MICU3: variants seen among roughly 807,000 people sequenced by gnomAD.
MICU3 encodes the protein mitochondrial calcium uptake 3.
Under a neutral mutation model 66.5 loss-of-function variants are expected in MICU3, and 62 were observed. That is an observed-to-expected ratio of 0.93 (90% confidence interval 0.76 to 1.15). The LOEUF is 1.15. Ranked by LOEUF, MICU3 falls within the 50% of genes most tolerant of loss-of-function variation. MICU3 has a pLI of 0.00. For missense variants in MICU3, 779 were observed against 664.4 expected (o/e 1.17, Z -1.90); for synonymous variants, 308 against 240.7 (o/e 1.28, Z -2.59).
intron 1 of MICU3, among the ~76,000 whole-genome samples, chr8:17,034,081 G>A (rs1812555644): frequency 6.6e-6 from 1 of 152,186 alleles, no homozygotes; most frequent in Admixed American, 6.5e-5. Context: ...AGGGGCTAAT[G>A]CAGCTGGTGA....
At chr8:17,118,686 C>G (rs775608253) in intron 13 of MICU3, 21 bp from the exon 14 acceptor site, 77 of 1,551,816 alleles carry the variant, frequency 5.0e-5, no homozygotes, top group Non-Finnish European at 6.7e-5. Flanking sequence ...CATTTGCACA[C>G]TTTGCTCTTC....
intron 5 of MICU3, among the ~76,000 whole-genome samples, chr8:17,083,120 C>G (rs1821438069): frequency 1.3e-5 from 2 of 152,004 alleles, no homozygotes; most frequent in African/African-American, 4.8e-5. Context: ...GAGTCAGGAG[C>G]TCTGGTTGGT....
At chr8:17,047,054 C>G (rs1240102502) in intron 1 of MICU3, among the ~76,000 whole-genome samples, 1 of 152,096 alleles carries the variant, frequency 6.6e-6, no homozygotes, top group Admixed American at 6.5e-5. Flanking sequence ...GTTCTGTGAT[C>G]AAGAGTCAGT....
chr8:17,137,932 G>T, the MICU3 span, among the ~76,000 whole-genome samples: 1 of 151,754 alleles, frequency 6.6e-6, no homozygotes, highest in Admixed American at 6.6e-5. Context: ...GGCCGGGATG[G>T]TCTTGATCTC....
At chr8:17,043,866 A>G (rs1356179594) in intron 1 of MICU3, among the ~76,000 whole-genome samples, 1 of 152,214 alleles carries the variant, frequency 6.6e-6, no homozygotes, top group African/African-American at 2.4e-5. Flanking sequence ...TATATCCTTC[A>G]TACTTTGATT....
At chr8:17,118,665 G>T in intron 13 of MICU3, 42 bp from the exon 14 acceptor site, 1 of 1,283,630 alleles carries the variant, frequency 7.8e-7, no homozygotes, top group Non-Finnish European at 1.1e-6. Context: ...CGCTGTATTT[G>T]TCTTTCTGTA....
At chr8:17,133,502 T>A in the MICU3 span, among the ~76,000 whole-genome samples, 2 of 152,198 alleles carry the variant, frequency 1.3e-5, no homozygotes, top group African/African-American at 4.8e-5. Flanking sequence ...TATTTATATA[T>A]ATATCTCAAA....
the MICU3 span, among the ~76,000 whole-genome samples, chr8:17,138,435 T>A: frequency 6.6e-6 from 1 of 152,252 alleles, no homozygotes; most frequent in African/African-American, 2.4e-5. Context: ...CTGTGACAAG[T>A]CAGCTAATCT....
intron 1 of MICU3, among the ~76,000 whole-genome samples, chr8:17,039,317 C>T (rs928554033): frequency 7.2e-5 from 11 of 151,940 alleles, no homozygotes; most frequent in South Asian, 6.2e-4. Flanking sequence ...TCAGTGTATC[C>T]GAAGTATGCC....
At chr8:17,059,966 G>C (rs1817562263) in intron 1 of MICU3, among the ~76,000 whole-genome samples, 2 of 152,204 alleles carry the variant, frequency 1.3e-5, no homozygotes, top group Non-Finnish European at 2.9e-5. Flanking sequence ...AACAGAATTT[G>C]ATACACTGAT....
intron 2 of MICU3, among the ~76,000 whole-genome samples, chr8:17,066,089 C>T (rs997002368): frequency 5.3e-5 from 8 of 150,522 alleles, no homozygotes; most frequent in East Asian, 3.9e-4. Flanking sequence ...TTTTTATTTA[C>T]GAATTTTAAG....
At chr8:17,031,327 G>A (rs558285538) in intron 1 of MICU3, among the ~76,000 whole-genome samples, 167 of 148,170 alleles carry the variant, frequency 1.1e-3, no homozygotes, top group Admixed American at 2.7e-3. Context: ...TCGCTCTATC[G>A]CTCAGGCTGG....
At chr8:17,130,715 G>A in the MICU3 span, among the ~76,000 whole-genome samples, 2 of 151,798 alleles carry the variant, frequency 1.3e-5, no homozygotes, top group Non-Finnish European at 2.9e-5. Flanking sequence ...AGAACCGTAA[G>A]TGAGTTAAAA....
At chr8:17,077,042 A>C (rs947209937) in intron 3 of MICU3, among the ~76,000 whole-genome samples, 3 of 152,208 alleles carry the variant, frequency 2.0e-5, no homozygotes, top group Admixed American at 2.0e-4. Flanking sequence ...ATACACAATA[A>C]ATTCAAAATT....
At chr8:17,129,113 C>T in the MICU3 span, among the ~76,000 whole-genome samples, 6,895 of 152,178 alleles carry the variant, frequency 0.045, 271 homozygotes, top group East Asian at 0.18. Flanking sequence ...AACTCTTGAC[C>T]TATCCTAAAA....
downstream of MICU3, among the ~76,000 whole-genome samples, chr8:17,126,438 G>A (rs1269657685): frequency 6.6e-6 from 1 of 152,142 alleles, no homozygotes; most frequent in African/African-American, 2.4e-5. Flanking sequence ...AGTTTCAAGA[G>A]GGAGTGAGGA....
At chr8:17,093,590 A>G (rs1178131422) in intron 8 of MICU3, among the ~76,000 whole-genome samples, 4 of 151,968 alleles carry the variant, frequency 2.6e-5, no homozygotes, top group Non-Finnish European at 5.9e-5. Flanking sequence ...ACACATTACA[A>G]TAGATTTGTT....
At chr8:17,117,731 C>T (rs919178233) in intron 13 of MICU3, among the ~76,000 whole-genome samples, 4 of 151,770 alleles carry the variant, frequency 2.6e-5, no homozygotes, top group Non-Finnish European at 5.9e-5. Flanking sequence ...GCCTCAGCCT[C>T]CTGAGTGGCT....
At chr8:17,134,975 A>T in the MICU3 span, among the ~76,000 whole-genome samples, 9 of 152,226 alleles carry the variant, frequency 5.9e-5, no homozygotes, top group Admixed American at 5.9e-4. Flanking sequence ...CATTTCATTC[A>T]GTGATAATTA....
Sources: allele counts gnomAD v4.1 joint callset (sites outside exome capture counted in the v4.1 genomes callset), GRCh38; gene constraint gnomAD v4.1.1; transcripts MANE v1.5; gene names NCBI Gene and HGNC (gene_info 2026-07-23, HGNC 2026-07-21).